Variants in RBFOX3 observed in about 807,000 individuals in gnomAD.
The protein encoded by RBFOX3 is RNA binding fox-1 homolog 3, also known as RNA binding protein fox-1 homolog 3.
Under a neutral mutation model 48.7 loss-of-function variants are expected in RBFOX3, and 17 were observed. The observed-to-expected ratio is 0.35, with a 90% CI of 0.24 to 0.52. The LOEUF (loss-of-function observed/expected upper bound fraction) is 0.52. Among genes scored for constraint, RBFOX3 ranks in the 20% least tolerant of loss-of-function variants. The pLI is 0.94. For missense variants in RBFOX3, 382 were observed against 497.5 expected (o/e 0.77, Z 2.21); for synonymous variants, 212 against 209.5 (o/e 1.01, Z -0.10).
chr17:79,375,942 T>C (rs1014230397), intron 2 of RBFOX3, among the ~76,000 whole-genome samples: 6 of 152,202 alleles, frequency 3.9e-5, no homozygotes, highest in African/African-American at 4.8e-5. Flanking sequence ...GGGAGTGCAG[T>C]TGTGCTTCCC....
chr17:79,593,972 G>A (rs1039324353), intron 1 of RBFOX3, among the ~76,000 whole-genome samples: 14,292 of 152,216 alleles, frequency 0.094, 769 homozygotes, highest in Non-Finnish European at 0.12. Context: ...AGTCAAACTC[G>A]CTCTCCTCCC....
chr17:79,091,903 G>C (rs1335457701), intron 14 of RBFOX3: 3 of 947,438 alleles, frequency 3.2e-6, no homozygotes, highest in Non-Finnish European at 3.8e-6. Context: ...GACCACAGCA[G>C]TTTGCACACC....
chr17:79,186,606 G>GC (rs1486992034), intron 4 of RBFOX3, among the ~76,000 whole-genome samples: 19 of 152,166 alleles, frequency 1.2e-4, no homozygotes, highest in Non-Finnish European at 2.6e-4. Flanking sequence ...TGGCTGTGCT[G>GC]CCCCCGCTCC....
intron 2 of RBFOX3, among the ~76,000 whole-genome samples, chr17:79,331,509 C>G (rs11653508): frequency 3.3e-5 from 5 of 151,938 alleles, no homozygotes; most frequent in African/African-American, 7.3e-5. Flanking sequence ...GCCTCTGCCC[C>G]CCCTGGACCC....
At chr17:79,331,417 G>A (rs2080271156) in intron 2 of RBFOX3, among the ~76,000 whole-genome samples, 1 of 152,162 alleles carries the variant, frequency 6.6e-6, no homozygotes, top group Non-Finnish European at 1.5e-5. Flanking sequence ...TCTGGGGGGT[G>A]CATCACTGTC....
intron 2 of RBFOX3, among the ~76,000 whole-genome samples, chr17:79,407,628 C>T (rs1292760866): frequency 2.6e-5 from 4 of 152,104 alleles, no homozygotes; most frequent in South Asian, 2.1e-4. Context: ...CCAGAAGGAG[C>T]GAGTTGTCTG....
At chr17:79,416,318 C>T (rs1177968675) in intron 2 of RBFOX3, among the ~76,000 whole-genome samples, 1 of 152,214 alleles carries the variant, frequency 6.6e-6, no homozygotes, top group African/African-American at 2.4e-5. Flanking sequence ...GTGCTTTGGC[C>T]ATGGCCCCTG....
At chr17:79,162,354 C>T (rs1018525752) in intron 4 of RBFOX3, among the ~76,000 whole-genome samples, 3 of 152,184 alleles carry the variant, frequency 2.0e-5, no homozygotes, top group Admixed American at 6.5e-5. Flanking sequence ...CAAGGTGAGA[C>T]GTCGGACAAG....
At chr17:79,163,339 G>A (rs1254741883) in intron 4 of RBFOX3, among the ~76,000 whole-genome samples, 2 of 152,238 alleles carry the variant, frequency 1.3e-5, no homozygotes, top group Non-Finnish European at 2.9e-5. Context: ...GGTGTCAAGA[G>A]GGGAGGTGTG....
intron 1 of RBFOX3, among the ~76,000 whole-genome samples, chr17:79,579,479 GC>G (rs1255668520): frequency 6.6e-6 from 1 of 152,208 alleles, no homozygotes; most frequent in Non-Finnish European, 1.5e-5. Context: ...ACAAAACGTG[GC>G]CCTGGGACCT....
intron 2 of RBFOX3, among the ~76,000 whole-genome samples, chr17:79,340,890 A>G (rs1217411320): frequency 6.6e-6 from 1 of 152,186 alleles, no homozygotes. Context: ...AATGCCCCCA[A>G]ACACCACCCC....
chr17:79,553,654 T>C (rs1447813302), intron 1 of RBFOX3, among the ~76,000 whole-genome samples: 1 of 152,218 alleles, frequency 6.6e-6, no homozygotes, highest in Non-Finnish European at 1.5e-5. Flanking sequence ...TTGATCAGTT[T>C]GGTAAATTAT....
chr17:79,348,554 C>G (rs535298864), intron 2 of RBFOX3, among the ~76,000 whole-genome samples: 1 of 145,916 alleles, frequency 6.9e-6, no homozygotes, highest in East Asian at 2.0e-4. Context: ...AGAACAAACC[C>G]AATTTCTTTT....
At chr17:79,546,524 CATCT>C (rs2090453072) in intron 1 of RBFOX3, among the ~76,000 whole-genome samples, 1 of 142,418 alleles carries the variant, frequency 7.0e-6, no homozygotes. Context: ...CATGCCCATC[CATCT>C]GACGGCTTCC....
chr17:79,532,734 C>T (rs377367471), intron 1 of RBFOX3, among the ~76,000 whole-genome samples: 3,089 of 152,348 alleles, frequency 0.02, 59 homozygotes, highest in African/African-American at 0.046. Flanking sequence ...GCCCTCACAT[C>T]GCCAGCATAG....
chr17:79,555,870 G>A (rs2091716012), intron 1 of RBFOX3, among the ~76,000 whole-genome samples: 1 of 37,352 alleles, frequency 2.7e-5, no homozygotes, highest in Non-Finnish European at 5.9e-5. Flanking sequence ...TGATGATAGT[G>A]GTGATGGTGG....
At chr17:79,310,655 C>T (rs57650384) in intron 2 of RBFOX3, among the ~76,000 whole-genome samples, 1,629 of 152,300 alleles carry the variant, frequency 0.011, 33 homozygotes, top group African/African-American at 0.037. Flanking sequence ...ACCCTCCTCC[C>T]GCATTCCCCA....
chr17:79,222,078 GTTGCCTGATTTCTACCCA>G (rs938403350), intron 4 of RBFOX3, among the ~76,000 whole-genome samples: 1 of 152,014 alleles, frequency 6.6e-6, no homozygotes, highest in African/African-American at 2.4e-5. Flanking sequence ...ATTTCTACCC[GTTGCCTGATTTCTACCCA>G]TTGCCTGATT....
intron 2 of RBFOX3, among the ~76,000 whole-genome samples, chr17:79,459,291 C>T (rs1245797929): frequency 6.6e-6 from 1 of 152,200 alleles, no homozygotes; most frequent in Non-Finnish European, 1.5e-5. Flanking sequence ...CTTCCACTAG[C>T]TGGTGCTGGC....
Sources: allele counts gnomAD v4.1 joint callset (sites outside exome capture counted in the v4.1 genomes callset), GRCh38; gene constraint gnomAD v4.1.1; transcripts MANE v1.5; gene names NCBI Gene and HGNC (gene_info 2026-07-23, HGNC 2026-07-21).